The following RNF38 variants were observed in gnomAD, a reference collection of about 807,000 sequenced individuals.
RNF38 encodes the protein ring finger protein 38, also known as E3 ubiquitin-protein ligase RNF38.
RNF38 carries 15 observed loss-of-function variants against 67.2 expected under a neutral mutation model. The observed-to-expected ratio is 0.22, with a 90% CI of 0.15 to 0.34. RNF38 has a LOEUF of 0.34. Ranked by LOEUF, RNF38 falls within the 10% of genes least tolerant of loss-of-function variation. The pLI is 1.00. For missense variants in RNF38, 524 were observed against 639.9 expected (o/e 0.82, Z 1.95); for synonymous variants, 220 against 218.8 (o/e 1.01, Z -0.05).
intron 1 of RNF38, among the ~76,000 whole-genome samples, chr9:36,458,503 G>A (rs547613684): frequency 9.2e-5 from 14 of 152,268 alleles, no homozygotes; most frequent in East Asian, 3.9e-4. Flanking sequence ...ACAAGCGTCC[G>A]CGGCTTCATT....
chr9:36,456,425 T>A (rs1170600613), intron 1 of RNF38, among the ~76,000 whole-genome samples: 1 of 152,240 alleles, frequency 6.6e-6, no homozygotes, highest in Non-Finnish European at 1.5e-5. Context: ...TTTCTGTGTG[T>A]TATAAGTCAC....
rs1832479963 is a variant in RNF38, at chr9:36,336,869, T to C, written c.*2883A>G. On this transcript the variant is annotated 3_prime_UTR_variant, in exon 12 of 12. Coordinates refer to ENST00000259605, the MANE Select transcript of RNF38 (RefSeq NM_022781.5). ...TTAACAAATCACATTTCAGATAGTA[T>C]ATAAAATCTAAATATGCTTTCACAT... 6.6e-6 allele frequency: 1 copy of C among 152,256 alleles called. No homozygotes were observed. Among genetic ancestry groups the C allele is most frequent in the Admixed American group, 6.5e-5 (1 of 15,272 alleles). The allele number at this position is 152,256 out of a possible 1,614,324, so 9.4% of individuals were successfully genotyped here. A position where few individuals can be genotyped will look rare whatever the true frequency, so the allele number is the denominator to read the frequency against.
At chr9:36,440,004 G>A (rs1057256261) in intron 1 of RNF38, among the ~76,000 whole-genome samples, 6 of 152,156 alleles carry the variant, frequency 3.9e-5, no homozygotes, top group Non-Finnish European at 5.9e-5. Context: ...CCAGCAGTTT[G>A]GGAAGCTAAG....
At chr9:36,357,172 G>A (rs943267941) in intron 5 of RNF38, among the ~76,000 whole-genome samples, 2 of 152,106 alleles carry the variant, frequency 1.3e-5, no homozygotes, top group African/African-American at 4.8e-5. Flanking sequence ...AAAGATTAAA[G>A]GACAAAGCAT....
chr9:36,444,919 CT>C (rs34369319), intron 1 of RNF38, among the ~76,000 whole-genome samples: 360 of 133,414 alleles, frequency 2.7e-3, no homozygotes, highest in African/African-American at 7.4e-3. Context: ...GAGCCATTCT[CT>C]TTTTTTTTTT....
intron 1 of RNF38, among the ~76,000 whole-genome samples, chr9:36,443,450 T>C (rs1473817798): frequency 1.3e-5 from 2 of 152,188 alleles, no homozygotes; most frequent in Non-Finnish European, 2.9e-5. Flanking sequence ...ATGCTATATA[T>C]TTACATTAAA....
chr9:36,475,044 G>C (rs1317541320), intron 1 of RNF38, among the ~76,000 whole-genome samples: 1 of 146,764 alleles, frequency 6.8e-6, no homozygotes, highest in Admixed American at 6.8e-5. Flanking sequence ...CACTCAGGAG[G>C]CTAAGGCAGG....
At chr9:36,473,393 G>C (rs1265153859) in intron 1 of RNF38, among the ~76,000 whole-genome samples, 2 of 152,054 alleles carry the variant, frequency 1.3e-5, no homozygotes, top group Non-Finnish European at 2.9e-5. Flanking sequence ...TTCAAGACCA[G>C]CCTGGCTAAC....
At chr9:36,406,076 A>T (rs748032217), upstream of RNF38, among the ~76,000 whole-genome samples, 2 of 152,206 alleles carry the variant, frequency 1.3e-5, no homozygotes, top group Non-Finnish European at 2.9e-5. Flanking sequence ...CGTTTATCAA[A>T]TATCTGTTTC....
chr9:36,372,382 G>C lies in RNF38; in HGVS notation c.357-2450C>G, dbSNP rs139064232. On this transcript the variant is annotated intron_variant, in intron 3 of 11. Coordinates refer to ENST00000259605, the MANE Select transcript of RNF38 (RefSeq NM_022781.5). ...GTTCTATTGTTTCTTGAAGTTTATTGTTAATTGAGTTTAATGGCCCTGTTT... is the reference window on the plus strand; with the variant it reads ...GTTCTATTGTTTCTTGAAGTTTATTCTTAATTGAGTTTAATGGCCCTGTTT... 3.0e-4 allele frequency: 171 copies of C among 568,326 alleles called. No individual in the cohort carries two copies. In the African/African-American group the frequency reaches 3.1e-3, roughly 10 times the overall value. 35.2% of individuals were successfully genotyped at this position (568,326 alleles called of 1,614,324 possible). A position where few individuals can be genotyped will look rare whatever the true frequency, so the allele number is the denominator to read the frequency against.
intron 1 of RNF38, among the ~76,000 whole-genome samples, chr9:36,430,264 T>C (rs1838899091): frequency 6.6e-6 from 1 of 152,164 alleles, no homozygotes; most frequent in African/African-American, 2.4e-5. Flanking sequence ...TGGAGTGCAA[T>C]GGCGCGATCT....
intron 3 of RNF38, among the ~76,000 whole-genome samples, chr9:36,371,443 C>CTTTTTTTT (rs537986184): frequency 1.5e-5 from 2 of 131,550 alleles, no homozygotes; most frequent in African/African-American, 2.8e-5. Flanking sequence ...GGACTAAAAG[C>CTTTTTTTT]TTTTTTTTTT....
intron 1 of RNF38, among the ~76,000 whole-genome samples, chr9:36,432,174 G>C (rs924309147): frequency 1.3e-5 from 2 of 150,334 alleles, no homozygotes; most frequent in East Asian, 3.9e-4. Context: ...TCACTCTATT[G>C]CACAGGCTGG....
At chr9:36,347,055 G>A (rs551441589) in intron 9 of RNF38, among the ~76,000 whole-genome samples, 16 of 137,770 alleles carry the variant, frequency 1.2e-4, no homozygotes, top group African/African-American at 4.3e-4. Flanking sequence ...GGGAGGCAGA[G>A]GTTGCAGTGA....
chr9:36,445,814 C>CAAAA (rs1472381982), intron 1 of RNF38, among the ~76,000 whole-genome samples: 1 of 152,212 alleles, frequency 6.6e-6, no homozygotes, highest in African/African-American at 2.4e-5. Context: ...TCACAAAACA[C>CAAAA]CACAGCTTTA....
intron 1 of RNF38, among the ~76,000 whole-genome samples, chr9:36,468,037 G>A (rs1839905533): frequency 6.6e-6 from 1 of 152,112 alleles, no homozygotes. Context: ...GAGCTCAGGA[G>A]TTCAAGACTA....
intron 2 of RNF38, among the ~76,000 whole-genome samples, chr9:36,415,896 T>C (rs1048676752): frequency 6.6e-6 from 1 of 151,764 alleles, no homozygotes; most frequent in Non-Finnish European, 1.5e-5. Context: ...TGGTGCAGAG[T>C]TGTTCTTTTA....
chr9:36,379,957 C>G (rs1461649151), intron 2 of RNF38, among the ~76,000 whole-genome samples: 1 of 152,184 alleles, frequency 6.6e-6, no homozygotes. Flanking sequence ...ATGGGCCACA[C>G]ATGCTCTTGG....
At chr9:36,429,734 T>C (rs1838879524) in intron 1 of RNF38, among the ~76,000 whole-genome samples, 1 of 152,138 alleles carries the variant, frequency 6.6e-6, no homozygotes, top group Non-Finnish European at 1.5e-5. Context: ...TCAGAGGTTG[T>C]AGTGAGCTGA....
Sources: gnomAD v4.1 joint callset for allele counts (sites outside exome capture counted in the v4.1 genomes callset) on GRCh38, gnomAD v4.1.1 for gene constraint, MANE v1.5 for transcripts, NCBI Gene and HGNC (gene_info 2026-07-23, HGNC 2026-07-21) for gene names.